Variants in SLCO1B1 observed in about 807,000 individuals in gnomAD.
SLCO1B1 encodes the protein solute carrier organic anion transporter family member 1B1.
In SLCO1B1, 81 loss-of-function variants were observed where a neutral mutation model predicts 70.1. The observed-to-expected ratio is 1.16, with a 90% CI of 0.97 to 1.39. The LOEUF (loss-of-function observed/expected upper bound fraction) is 1.39, where lower values mean the gene tolerates loss of function less well. Among genes scored for constraint, SLCO1B1 ranks in the 40% most tolerant of loss-of-function variants. The pLI is 0.00. For missense variants in SLCO1B1, 895 were observed against 799.6 expected (o/e 1.12, Z -1.44); for synonymous variants, 283 against 271.5 (o/e 1.04, Z -0.42).
intron 1 of SLCO1B1, among the ~76,000 whole-genome samples, chr12:21,132,255 T>C (rs922917022): frequency 1.6e-4 from 24 of 152,204 alleles, no homozygotes; most frequent in African/African-American, 5.5e-4. Context: ...TTTAGGTTGG[T>C]TCCAAGTCTT....
chr12:21,174,500 G>A, intron 3 of SLCO1B1, 77 bp from the exon 4 acceptor site: 1 of 1,410,172 alleles, frequency 7.1e-7, no homozygotes. Context: ...GACTCTATTT[G>A]CATCCATTCT....
chr12:21,223,058 T>C (rs530562332), intron 13 of SLCO1B1, among the ~76,000 whole-genome samples: 1 of 152,284 alleles, frequency 6.6e-6, no homozygotes, highest in Admixed American at 6.5e-5. Context: ...TCAGTTTCAA[T>C]GGAGATACCT....
intron 2 of SLCO1B1, among the ~76,000 whole-genome samples, chr12:21,165,071 G>C (rs998801382): frequency 1.3e-5 from 2 of 152,062 alleles, no homozygotes; most frequent in Admixed American, 1.3e-4. Context: ...AATCAGTTGA[G>C]TTCCAAAGCT....
intron 2 of SLCO1B1, among the ~76,000 whole-genome samples, chr12:21,169,464 T>C (rs1940731822): frequency 6.6e-6 from 1 of 152,144 alleles, no homozygotes; most frequent in African/African-American, 2.4e-5. Context: ...TGTCTTTGAT[T>C]TTCCTGATTT....
intron 2 of SLCO1B1, among the ~76,000 whole-genome samples, chr12:21,157,534 T>C (rs902937597): frequency 2.0e-5 from 3 of 151,852 alleles, no homozygotes; most frequent in African/African-American, 7.3e-5. Context: ...TCTAAGCAAT[T>C]GTACAATTCA....
At chr12:21,214,577 T>C (rs9668441) in intron 11 of SLCO1B1, among the ~76,000 whole-genome samples, 1,919 of 149,420 alleles carry the variant, frequency 0.013, 43 homozygotes, top group African/African-American at 0.045. Context: ...CCTTGAGCTG[T>C]GGTGGGCTCC....
intron 4 of SLCO1B1, among the ~76,000 whole-genome samples, chr12:21,175,697 T>C (rs1940811099): frequency 6.6e-6 from 1 of 152,188 alleles, no homozygotes; most frequent in African/African-American, 2.4e-5. Flanking sequence ...TACTGCACTC[T>C]CTTGATTCAT....
At chr12:21,238,281 G>A (rs765171061) in intron 14 of SLCO1B1, among the ~76,000 whole-genome samples, 28 of 151,812 alleles carry the variant, frequency 1.8e-4, no homozygotes, top group Non-Finnish European at 3.4e-4. Flanking sequence ...TTTATTTTTA[G>A]CATTTTCTTG....
intron 2 of SLCO1B1, among the ~76,000 whole-genome samples, chr12:21,158,703 A>C (rs1940573957): frequency 6.6e-6 from 1 of 152,180 alleles, no homozygotes; most frequent in African/African-American, 2.4e-5. Flanking sequence ...CAAGAAAAAA[A>C]AAATTCTCAC....
At chr12:21,153,795 A>G (rs1940504033) in intron 2 of SLCO1B1, among the ~76,000 whole-genome samples, 1 of 152,006 alleles carries the variant, frequency 6.6e-6, no homozygotes, top group East Asian at 1.9e-4. Flanking sequence ...ATATAATTCA[A>G]TATATGGAGG....
intron 11 of SLCO1B1, among the ~76,000 whole-genome samples, chr12:21,207,459 G>A (rs985844654): frequency 1.3e-5 from 2 of 151,890 alleles, no homozygotes; most frequent in Non-Finnish European, 2.9e-5. Context: ...GTTGCTGCAA[G>A]GGACATTATT....
intron 2 of SLCO1B1, among the ~76,000 whole-genome samples, chr12:21,159,159 T>A (rs1033052226): frequency 6.6e-6 from 1 of 152,150 alleles, no homozygotes. Context: ...GTTATTGCAT[T>A]TTCTCAAAAT....
chr12:21,173,800 T>C (rs1337876226), intron 3 of SLCO1B1, among the ~76,000 whole-genome samples: 1 of 128,722 alleles, frequency 7.8e-6, no homozygotes, highest in Non-Finnish European at 1.6e-5. Flanking sequence ...TGAGACGGAG[T>C]CTCGCTCTGT....
chr12:21,220,827 A>AAG (rs1565442954), intron 12 of SLCO1B1, among the ~76,000 whole-genome samples: 1 of 100,192 alleles, frequency 1.0e-5, no homozygotes, highest in South Asian at 2.5e-4. Context: ...AAAAAAAAAA[A>AAG]AAAGAAAAGA....
At chr12:21,212,978 T>A (rs1252774626) in intron 11 of SLCO1B1, among the ~76,000 whole-genome samples, 1 of 152,000 alleles carries the variant, frequency 6.6e-6, no homozygotes, top group Non-Finnish European at 1.5e-5. Flanking sequence ...GAGATGGGTC[T>A]CCTGAATACA....
intron 4 of SLCO1B1, 123 bp downstream of exon 4, chr12:21,174,832 G>A (rs1249752568): frequency 2.3e-6 from 2 of 888,592 alleles, no homozygotes; most frequent in African/African-American, 1.7e-5. Flanking sequence ...CACTAAGTGT[G>A]TACAGAAATG....
At chr12:21,227,386 G>T (rs954327389) in intron 14 of SLCO1B1, among the ~76,000 whole-genome samples, 4 of 151,962 alleles carry the variant, frequency 2.6e-5, no homozygotes, top group African/African-American at 9.7e-5. Context: ...TGAAAGTGGA[G>T]GTTTATTAGT....
intron 7 of SLCO1B1, among the ~76,000 whole-genome samples, chr12:21,192,435 C>T (rs1941040892): frequency 6.6e-6 from 1 of 151,686 alleles, no homozygotes; most frequent in Non-Finnish European, 1.5e-5. Flanking sequence ...AATTAAATGT[C>T]TCTACTTTCA....
At position 21,239,008 on chromosome 12, in the gene SLCO1B1, T is replaced by C; in HGVS notation, c.1895T>C (p.Leu632Ser). Residue 632 changes from leucine (L) to serine (S), a missense_variant, in exon 15 of 15, where the codon TTA becomes TCA. Physicochemically the swap from Leu to Ser is moderately radical, Grantham distance 145. Coordinates refer to ENST00000256958, the MANE Select transcript of SLCO1B1 (RefSeq NM_006446.5). The part of the protein sequence containing the change: ...SRVYLGLSSM[L>S]RVSSLVLYII... The stretch of plus-strand genomic sequence containing the variant: ...GTCTACTTGGGCTTGTCTTCAATGT[T>C]AAGAGTCTCATCACTTGTTTTATAT... The C allele has an allele frequency of 6.3e-7, 1 of 1,582,880 alleles. No homozygotes were observed. The highest frequency in any genetic ancestry group is 1.1e-5 in the South Asian group (1 of 89,238).
Sources: gnomAD v4.1 joint callset for allele counts (sites outside exome capture counted in the v4.1 genomes callset) on GRCh38, gnomAD v4.1.1 for gene constraint, MANE v1.5 for transcripts, NCBI Gene and HGNC (gene_info 2026-07-23, HGNC 2026-07-21) for gene names.